The following NRG3 variants were observed in gnomAD, a reference collection of about 807,000 sequenced individuals.
The protein encoded by NRG3 is pro-neuregulin-3, membrane-bound isoform.
A neutral mutation model predicts 66.9 loss-of-function variants in NRG3; 31 were observed. The observed-to-expected ratio is 0.46, with a 90% CI of 0.35 to 0.63. NRG3 has a LOEUF of 0.63. NRG3 is among the 20% of genes least tolerant of loss of function. NRG3 has a pLI of 0.00. For synonymous variants in NRG3, 393 were observed against 359.4 expected, an observed-to-expected ratio of 1.09 and a Z score of -1.06; for missense variants, 910 against 878.9, an observed-to-expected ratio of 1.04 and a Z score of -0.45.
At chr10:82,435,739 C>A (rs886908952) in intron 2 of NRG3, among the ~76,000 whole-genome samples, 20 of 150,370 alleles carry the variant, frequency 1.3e-4, no homozygotes, top group Non-Finnish European at 1.5e-5. Flanking sequence ...TATTCAATTT[C>A]CATGAAATTG....
chr10:82,979,684 G>A (rs1852646871), intron 8 of NRG3, among the ~76,000 whole-genome samples: 1 of 152,126 alleles, frequency 6.6e-6, no homozygotes, highest in Non-Finnish European at 1.5e-5. Flanking sequence ...CAGTGCAAAA[G>A]GTGTCCCTTC....
rs1398275114 is a variant in NRG3 at position 82,005,739 on chromosome 10, CACTT to C, written c.823+129578_823+129581del. Among the ~76,000 whole-genome samples, 6 of 152,152 alleles carry C rather than the reference CACTT, an allele frequency of 3.9e-5. No individual in the cohort carries two copies. In the East Asian group the frequency reaches 9.6e-4, roughly 24 times the overall value. On this transcript the variant is annotated intron_variant, in intron 1 of 8. Transcript: ENST00000372141. ...TACAATGAATAAATGCTCTGAGTGA[CACTT>C]AGAGTTTGCAACACGTTTAGCATGT...
intron 1 of NRG3, among the ~76,000 whole-genome samples, chr10:81,888,847 G>A (rs188152372): frequency 1.2e-4 from 18 of 152,268 alleles, no homozygotes; most frequent in African/African-American, 4.3e-4. Context: ...AAGGTGCGAG[G>A]TTTCCAGGAT....
chr10:82,808,965 A>T (rs776736424), intron 3 of NRG3, among the ~76,000 whole-genome samples: 27 of 152,220 alleles, frequency 1.8e-4, no homozygotes, highest in Non-Finnish European at 3.7e-4. Flanking sequence ...GCCTTGAGGA[A>T]TAATGGCAGA....
chr10:82,358,517 C>T (rs1460232054), intron 1 of NRG3, among the ~76,000 whole-genome samples: 2 of 152,106 alleles, frequency 1.3e-5, no homozygotes, highest in Admixed American at 6.5e-5. Context: ...TCCAGAGTGA[C>T]TCCAATAGAT....
chr10:81,930,926 G>A (rs1847282620), intron 1 of NRG3, among the ~76,000 whole-genome samples: 1 of 152,180 alleles, frequency 6.6e-6, no homozygotes, highest in Non-Finnish European at 1.5e-5. Context: ...CTAGGTGACT[G>A]CATTCCATGG....
chr10:82,049,490 C>T (rs1216405368), intron 1 of NRG3, among the ~76,000 whole-genome samples: 2 of 152,062 alleles, frequency 1.3e-5, no homozygotes, highest in African/African-American at 2.4e-5. Context: ...TATAAGGGGG[C>T]TGCCAAGTAA....
At chr10:82,033,283 G>T (rs567807493) in intron 1 of NRG3, among the ~76,000 whole-genome samples, 2 of 152,216 alleles carry the variant, frequency 1.3e-5, no homozygotes, top group East Asian at 3.9e-4. Context: ...CTGGAATAAT[G>T]TACCGTAGAC....
chr10:82,294,858 CT>C (rs1386444146), intron 1 of NRG3, among the ~76,000 whole-genome samples: 1 of 152,120 alleles, frequency 6.6e-6, no homozygotes, highest in African/African-American at 2.4e-5. Flanking sequence ...AATCAATAGC[CT>C]TGTGGTTCCA....
chr10:82,877,630 C>T (rs1452702987), intron 4 of NRG3, among the ~76,000 whole-genome samples: 2 of 146,958 alleles, frequency 1.4e-5, no homozygotes, highest in Non-Finnish European at 3.0e-5. Context: ...CTCAGGTGAT[C>T]CACGTGCCTC....
chr10:82,842,672 A>T (rs752250554), intron 3 of NRG3, among the ~76,000 whole-genome samples: 1 of 152,200 alleles, frequency 6.6e-6, no homozygotes, highest in Non-Finnish European at 1.5e-5. Flanking sequence ...TTCCAAGGCC[A>T]CAGAGAACGC....
chr10:82,493,177 C>T (rs1265750254), intron 2 of NRG3, among the ~76,000 whole-genome samples: 1 of 151,864 alleles, frequency 6.6e-6, no homozygotes, highest in Non-Finnish European at 1.5e-5. Context: ...AGGTTTGTTA[C>T]ATAGGTAAAT....
At chr10:82,483,748 G>C (rs1388780377) in intron 2 of NRG3, among the ~76,000 whole-genome samples, 1 of 152,120 alleles carries the variant, frequency 6.6e-6, no homozygotes, top group Non-Finnish European at 1.5e-5. Context: ...TTAGTTCATG[G>C]GAAATAATCT....
intron 1 of NRG3, among the ~76,000 whole-genome samples, chr10:81,894,780 C>G (rs1460041998): frequency 6.6e-6 from 1 of 152,142 alleles, no homozygotes; most frequent in African/African-American, 2.4e-5. Context: ...GTGGGAGGAG[C>G]TGGAGAAGAG....
intron 1 of NRG3, among the ~76,000 whole-genome samples, chr10:82,331,591 C>T (rs1301071642): frequency 6.6e-6 from 1 of 151,982 alleles, no homozygotes; most frequent in Non-Finnish European, 1.5e-5. Context: ...GGTTTGGAGA[C>T]ATCAGAAGGA....
At chr10:82,748,561 T>C (rs1428529368) in intron 3 of NRG3, among the ~76,000 whole-genome samples, 2 of 150,562 alleles carry the variant, frequency 1.3e-5, no homozygotes, top group African/African-American at 2.4e-5. Context: ...TTTGTGTATC[T>C]CCCAATTTTC....
intron 1 of NRG3, among the ~76,000 whole-genome samples, chr10:81,957,566 A>G (rs1282716617): frequency 6.6e-6 from 1 of 152,210 alleles, no homozygotes; most frequent in Non-Finnish European, 1.5e-5. Flanking sequence ...TAGTAGAATG[A>G]ATACTTTGTA....
intron 4 of NRG3, among the ~76,000 whole-genome samples, chr10:82,897,131 A>C (rs1407315427): frequency 6.6e-6 from 1 of 152,358 alleles, no homozygotes; most frequent in East Asian, 1.9e-4. Flanking sequence ...GAGACTTAAA[A>C]TGTAACTAAA....
At chr10:82,946,431 C>A (rs1028234752) in intron 4 of NRG3, among the ~76,000 whole-genome samples, 1 of 151,576 alleles carries the variant, frequency 6.6e-6, no homozygotes, top group Admixed American at 6.6e-5. Context: ...CCCAGCTGCT[C>A]GGGAGGCTGA....
Sources: gnomAD v4.1 joint callset for allele counts (sites outside exome capture counted in the v4.1 genomes callset) on GRCh38, gnomAD v4.1.1 for gene constraint, MANE v1.5 for transcripts, NCBI Gene and HGNC (gene_info 2026-07-23, HGNC 2026-07-21) for gene names.